Variants in NAALADL2 observed in about 807,000 individuals in gnomAD.
NAALADL2 encodes N-acetylated alpha-linked acidic dipeptidase like 2, also known as inactive N-acetylated-alpha-linked acidic dipeptidase-like protein 2.
In NAALADL2, 76 loss-of-function variants were observed where a neutral mutation model predicts 87.2. That is an observed-to-expected ratio of 0.87 (90% confidence interval 0.72 to 1.05). The LOEUF (loss-of-function observed/expected upper bound fraction) is 1.05, where lower values mean the gene tolerates loss of function less well. Ranked by LOEUF, NAALADL2 falls within the 50% of genes least tolerant of loss-of-function variation. NAALADL2 has a pLI of 0.00. For synonymous variants in NAALADL2, 354 were observed against 331.0 expected (o/e 1.07, Z -0.75); for missense variants, 1,089 against 945.8 (o/e 1.15, Z -1.99).
chr3:174,810,588 A>G (rs73051868), intron 3 of NAALADL2, among the ~76,000 whole-genome samples: 2 of 145,602 alleles, frequency 1.4e-5, no homozygotes, highest in African/African-American at 5.0e-5. Context: ...CAGCCTATAT[A>G]TATGTAAGCA....
In NAALADL2 at chr3:175,324,342, T is replaced by A. The variant is rs1760412346; in HGVS notation, c.1090+17T>A. 6.2e-7 allele frequency: 1 copy of A among 1,606,472 alleles called. No individual in the cohort carries two copies. On this transcript the variant is annotated intron_variant, in intron 5 of 13. Coordinates refer to ENST00000454872, the MANE Select transcript of NAALADL2 (RefSeq NM_207015.3). ...CAAGTGTCGGTAAGTTTGTTGGTCA[T>A]CATTATTATACTTGTAAGTAAGCAT...
chr3:175,256,553 A>G, intron 4 of NAALADL2, 23 bp downstream of exon 4: 1 of 1,602,930 alleles, frequency 6.2e-7, no homozygotes, highest in Non-Finnish European at 8.5e-7. Context: ...AATGTTATTC[A>G]GTGGTTTGGT....
At chr3:175,090,613 G>T (rs1719916769) in intron 1 of NAALADL2, among the ~76,000 whole-genome samples, 1 of 148,780 alleles carries the variant, frequency 6.7e-6, no homozygotes, top group African/African-American at 2.5e-5. Context: ...GCAATCTATA[G>T]CTCATTAATT....
At chr3:175,733,748 C>T (rs1338152242) in intron 11 of NAALADL2, among the ~76,000 whole-genome samples, 2 of 151,062 alleles carry the variant, frequency 1.3e-5, no homozygotes, top group East Asian at 1.9e-4. Context: ...AAGTTAGTTA[C>T]TTCTTAGATA....
At chr3:174,714,355 G>A (rs901305067) in intron 2 of NAALADL2, among the ~76,000 whole-genome samples, 27 of 152,174 alleles carry the variant, frequency 1.8e-4, no homozygotes, top group African/African-American at 6.5e-4. Context: ...TTGGTAGCTT[G>A]ATGGGGATGG....
At chr3:174,990,042 AT>A (rs1474081292) in intron 1 of NAALADL2, among the ~76,000 whole-genome samples, 2 of 152,170 alleles carry the variant, frequency 1.3e-5, no homozygotes, top group Non-Finnish European at 2.9e-5. Context: ...TTGAAAAAAA[AT>A]ATGGTGTTTT....
chr3:175,286,214 T>C (rs1754953307), intron 4 of NAALADL2, among the ~76,000 whole-genome samples: 1 of 152,214 alleles, frequency 6.6e-6, no homozygotes, highest in African/African-American at 2.4e-5. Flanking sequence ...GAAAATGCTA[T>C]GGCAGTAAGG....
intron 7 of NAALADL2, among the ~76,000 whole-genome samples, chr3:175,466,348 TG>T: frequency 6.6e-6 from 1 of 152,188 alleles, no homozygotes; most frequent in Non-Finnish European, 1.5e-5. Context: ...GCTACTTCCA[TG>T]TGTTAGGAAG....
rs116751912 is a variant in NAALADL2 at position 174,984,710 on chromosome 3, G to A, written c.44-112080G>A. ...AGCTCCTGAAATTATGTTATGTAAG[G>A]TATTTGAGAAATTTGAAGTAAACTT... is the stretch of plus-strand genomic sequence containing the variant. On this transcript the variant is annotated intron_variant, in intron 1 of 13. Transcript: ENST00000454872. Among the ~76,000 whole-genome samples, 1,340 of 152,158 alleles carry A rather than the reference G, an allele frequency of 8.8e-3. 15 individuals are homozygous for A. The highest frequency in any genetic ancestry group is 0.031 in the African/African-American group (1,285 of 41,508).
At chr3:175,033,560 T>C (rs1220131736) in intron 1 of NAALADL2, among the ~76,000 whole-genome samples, 1 of 152,128 alleles carries the variant, frequency 6.6e-6, no homozygotes, top group Admixed American at 6.6e-5. Context: ...TCCAGGTGCC[T>C]GATCCCATAG....
chr3:175,672,041 G>T (rs978420094), intron 11 of NAALADL2, among the ~76,000 whole-genome samples: 5 of 152,126 alleles, frequency 3.3e-5, no homozygotes, highest in African/African-American at 7.2e-5. Context: ...TACCAAAAAA[G>T]ATCATTTTTC....
At chr3:175,307,362 G>T (rs1344017971) in intron 4 of NAALADL2, among the ~76,000 whole-genome samples, 1 of 152,002 alleles carries the variant, frequency 6.6e-6, no homozygotes, top group East Asian at 1.9e-4. Context: ...TTCTATACCT[G>T]TTTAAATTTT....
Position 175,404,608 on chromosome 3 carries a change from ATTC to A in NAALADL2, c.1091-42618_1091-42616del, listed in dbSNP as rs367757215. 4.0e-4 allele frequency among the ~76,000 whole-genome samples: 61 copies of A among 152,286 alleles called. 1 individual carries two copies. In the South Asian group the frequency reaches 0.012, roughly 30 times the overall value. ...CATGTAACACAATAACTAGATTTAA[ATTC>A]TTACTAAGTCGCATGAAACCTTTAA... On this transcript the variant is annotated intron_variant, in intron 5 of 13. Transcript: ENST00000454872.
At chr3:175,785,771 C>T (rs1236086257) in intron 13 of NAALADL2, among the ~76,000 whole-genome samples, 1,624 of 149,196 alleles carry the variant, frequency 0.011, 33 homozygotes, top group African/African-American at 0.037. Flanking sequence ...TGATTTTGCT[C>T]GTTAGTTGAT....
intron 5 of NAALADL2, among the ~76,000 whole-genome samples, chr3:175,351,012 AG>A (rs1386356651): frequency 2.0e-5 from 3 of 152,206 alleles, no homozygotes; most frequent in Non-Finnish European, 2.9e-5. Context: ...AAGGAAAAAA[AG>A]TAGCTTTGAA....
chr3:174,881,997 TGATA>T (rs1453623674), intron 1 of NAALADL2, among the ~76,000 whole-genome samples: 2 of 152,152 alleles, frequency 1.3e-5, no homozygotes, highest in African/African-American at 4.8e-5. Context: ...GCTTTTACAG[TGATA>T]GATTTTAGGC....
chr3:174,783,879 G>T (rs557406216), intron 3 of NAALADL2, among the ~76,000 whole-genome samples: 136 of 152,170 alleles, frequency 8.9e-4, no homozygotes, highest in African/African-American at 3.2e-3. Context: ...ATGCTCCCAG[G>T]TGATACTGAT....
At chr3:174,996,019 A>G (rs1237153949) in intron 1 of NAALADL2, among the ~76,000 whole-genome samples, 1 of 152,166 alleles carries the variant, frequency 6.6e-6, no homozygotes, top group Non-Finnish European at 1.5e-5. Flanking sequence ...TGTTCCTCAC[A>G]CCAGGTTACA....
intron 2 of NAALADL2, among the ~76,000 whole-genome samples, chr3:174,613,560 C>T (rs1468498854): frequency 6.6e-6 from 1 of 152,214 alleles, no homozygotes; most frequent in East Asian, 1.9e-4. Context: ...CCCATGACCA[C>T]TGGCACCATA....
Sources: allele counts gnomAD v4.1 joint callset (sites outside exome capture counted in the v4.1 genomes callset), GRCh38; gene constraint gnomAD v4.1.1; transcripts MANE v1.5; gene names NCBI Gene and HGNC (gene_info 2026-07-23, HGNC 2026-07-21).